The following LGSN variants were observed in gnomAD, a reference collection of about 807,000 sequenced individuals.
The protein encoded by LGSN is lengsin, lens protein with glutamine synthetase domain.
In LGSN, 21 loss-of-function variants were observed where a neutral mutation model predicts 19.5. The observed-to-expected ratio is 1.07, with a 90% CI of 0.76 to 1.55. LGSN has a LOEUF of 1.55. Ranked by LOEUF, LGSN falls within the 40% of genes most tolerant of loss-of-function variation. The pLI is 0.00. For synonymous variants in LGSN, 257 were observed against 215.6 expected (o/e 1.19, Z -1.68); for missense variants, 673 against 608.5 (o/e 1.11, Z -1.12).
the LGSN span, among the ~76,000 whole-genome samples, chr6:63,405,243 G>A: frequency 6.6e-6 from 1 of 151,842 alleles, no homozygotes; most frequent in South Asian, 2.1e-4. Flanking sequence ...CTTTGCTATC[G>A]TGAATAGTGC....
intron 1 of LGSN, among the ~76,000 whole-genome samples, chr6:63,319,626 T>G (rs754120669): frequency 5.9e-5 from 9 of 152,338 alleles, no homozygotes; most frequent in Non-Finnish European, 1.2e-4. Context: ...ATAAATTTTT[T>G]TATAGCATAC....
the LGSN span, among the ~76,000 whole-genome samples, chr6:63,444,221 C>CAA: frequency 1.4e-5 from 2 of 147,404 alleles, no homozygotes; most frequent in African/African-American, 5.0e-5. Flanking sequence ...ATCTCTTTTT[C>CAA]AAAAAAAAAA....
chr6:63,367,616 A>G, the LGSN span, among the ~76,000 whole-genome samples: 4 of 146,066 alleles, frequency 2.7e-5, no homozygotes, highest in Non-Finnish European at 4.4e-5. Context: ...ATTATAAATC[A>G]TGCTGCTATA....
chr6:63,304,120 T>C (rs1038120809), intron 1 of LGSN, among the ~76,000 whole-genome samples: 11 of 152,220 alleles, frequency 7.2e-5, no homozygotes, highest in African/African-American at 2.4e-4. Flanking sequence ...ACCTTATCTC[T>C]TGATGGATGC....
At chr6:63,383,400 A>C in the LGSN span, among the ~76,000 whole-genome samples, 21 of 152,012 alleles carry the variant, frequency 1.4e-4, no homozygotes, top group Non-Finnish European at 2.4e-4. Context: ...ACACACACAC[A>C]CACACTCTTG....
chr6:63,434,281 A>C, the LGSN span, among the ~76,000 whole-genome samples: 10 of 151,604 alleles, frequency 6.6e-5, no homozygotes, highest in Admixed American at 6.6e-4. Flanking sequence ...CCTACTAAAA[A>C]TACAAAAAAT....
the LGSN span, among the ~76,000 whole-genome samples, chr6:63,433,143 T>G: frequency 6.6e-6 from 1 of 151,606 alleles, no homozygotes; most frequent in Admixed American, 6.6e-5. Context: ...TCTGGCTCTT[T>G]TATCATCGCA....
chr6:63,327,217 G>A, the LGSN span, among the ~76,000 whole-genome samples: 24 of 152,166 alleles, frequency 1.6e-4, no homozygotes, highest in African/African-American at 5.8e-4. Flanking sequence ...ACTCATTTGG[G>A]GTTCCATTTG....
chr6:63,312,259 A>C (rs1768660734), intron 1 of LGSN, among the ~76,000 whole-genome samples: 1 of 152,196 alleles, frequency 6.6e-6, no homozygotes, highest in African/African-American at 2.4e-5. Context: ...TGTAATAAAC[A>C]TGGGAGTGTA....
At chr6:63,500,721 A>G in the LGSN span, among the ~76,000 whole-genome samples, 1 of 143,112 alleles carries the variant, frequency 7.0e-6, no homozygotes, top group Non-Finnish European at 1.5e-5. Flanking sequence ...ACACCTGGCA[A>G]TTAGTTATTT....
chr6:63,424,900 G>A, the LGSN span, among the ~76,000 whole-genome samples: 4 of 151,910 alleles, frequency 2.6e-5, no homozygotes, highest in Admixed American at 2.6e-4. Flanking sequence ...AAAAGAGTTA[G>A]ACCCTATCTC....
chr6:63,382,403 G>C, the LGSN span, among the ~76,000 whole-genome samples: 4 of 152,292 alleles, frequency 2.6e-5, no homozygotes, highest in Non-Finnish European at 4.4e-5. Flanking sequence ...CAACCAGTCT[G>C]TGCACTTCCA....
the LGSN span, among the ~76,000 whole-genome samples, chr6:63,513,067 C>T: frequency 3.9e-5 from 6 of 152,200 alleles, no homozygotes; most frequent in Admixed American, 3.9e-4. Flanking sequence ...ATCCCTAGTC[C>T]ATCTCCTCTG....
chr6:63,296,969 T>C (rs548125910), intron 1 of LGSN, among the ~76,000 whole-genome samples: 1 of 151,668 alleles, frequency 6.6e-6, no homozygotes, highest in Non-Finnish European at 1.5e-5. Flanking sequence ...TGCCCTCATA[T>C]AAACCCGATC....
chr6:63,545,806 T>C, the LGSN span, among the ~76,000 whole-genome samples: 92 of 152,232 alleles, frequency 6.0e-4, no homozygotes, highest in African/African-American at 2.2e-3. Flanking sequence ...AGCTTTCCCA[T>C]GTTCCATATT....
chr6:63,405,892 A>T, the LGSN span, among the ~76,000 whole-genome samples: 9 of 152,284 alleles, frequency 5.9e-5, no homozygotes, highest in African/African-American at 1.9e-4. Context: ...CTCTGATAAA[A>T]CAGACTTTAA....
the LGSN span, among the ~76,000 whole-genome samples, chr6:63,405,620 G>C: frequency 3.3e-5 from 5 of 152,112 alleles, no homozygotes; most frequent in African/African-American, 1.2e-4. Flanking sequence ...AGAAGTGTCT[G>C]TTCATGTCCT....
At chr6:63,539,339 C>A in the LGSN span, among the ~76,000 whole-genome samples, 1 of 152,164 alleles carries the variant, frequency 6.6e-6, no homozygotes, top group Non-Finnish European at 1.5e-5. Flanking sequence ...TTAAACATTA[C>A]AATGCAGTTA....
At chr6:63,314,778 A>G (rs188459617) in intron 1 of LGSN, among the ~76,000 whole-genome samples, 10 of 152,308 alleles carry the variant, frequency 6.6e-5, no homozygotes, top group Admixed American at 6.5e-4. Context: ...TGTTTCACAT[A>G]GTTATAGTGG....
Sources: allele counts gnomAD v4.1 joint callset (sites outside exome capture counted in the v4.1 genomes callset), GRCh38; gene constraint gnomAD v4.1.1; transcripts MANE v1.5; gene names NCBI Gene and HGNC (gene_info 2026-07-23, HGNC 2026-07-21).